The following PPIL1 variants were observed in gnomAD, a reference collection of about 807,000 sequenced individuals.
The protein encoded by PPIL1 is peptidyl-prolyl cis-trans isomerase-like 1.
Under a neutral mutation model 19.4 loss-of-function variants are expected in PPIL1, and 14 were observed. The ratio of observed to expected loss-of-function variants is 0.72; its 90% CI spans 0.48 to 1.13. The LOEUF is 1.13. Among genes scored for constraint, PPIL1 ranks in the 50% most tolerant of loss-of-function variants. The probability of loss-of-function intolerance (pLI) is 0.00; values close to 1 mark genes in which losing one functional copy is unlikely to be tolerated. For synonymous variants in PPIL1, 72 were observed against 73.6 expected, an observed-to-expected ratio of 0.98 and a Z score of 0.11; for missense variants, 192 against 218.0, an observed-to-expected ratio of 0.88 and a Z score of 0.75.
chr6:36,862,524 T>C (rs115320501), intron 2 of PPIL1, among the ~76,000 whole-genome samples: 1,961 of 152,312 alleles, frequency 0.013, 28 homozygotes, highest in African/African-American at 0.035. Flanking sequence ...AAAACAGACA[T>C]ACTCTTTTGT....
rs142431137 is a variant in PPIL1, at chr6:36,862,888, G to A, written c.212-6234C>T. ...CTCCAAGGGGCTTTGTGGTTCTGAAGATGCTGTCTTCTCTTTCTCACTTGC... is the reference window on the plus strand; with the variant it reads ...CTCCAAGGGGCTTTGTGGTTCTGAAAATGCTGTCTTCTCTTTCTCACTTGC... On this transcript the variant is annotated intron_variant, in intron 2 of 3. Transcript: ENST00000373699. Among the ~76,000 whole-genome samples the A allele has an allele frequency of 9.9e-3, 1,510 of 152,348 alleles. 17 individuals are homozygous for A. Among genetic ancestry groups the A allele is most frequent in the Non-Finnish European group, 0.016 (1,118 of 68,028 alleles).
At chr6:36,859,424 C>CATAA (rs1774233647) in intron 2 of PPIL1, among the ~76,000 whole-genome samples, 1 of 73,210 alleles carries the variant, frequency 1.4e-5, no homozygotes, top group East Asian at 3.6e-4. Flanking sequence ...GACCCTGTCT[C>CATAA]AAAAAAAAAA....
At position 36,854,856 on chromosome 6, in the gene PPIL1, G is replaced by A. The variant is rs529995753; in HGVS notation, c.*957C>T. The A allele has an allele frequency of 9.2e-5, 14 of 152,664 alleles. No individual in the cohort carries two copies. In the East Asian group the frequency reaches 2.5e-3, roughly 27 times the overall value. 9.5% of individuals were successfully genotyped at this position (152,664 alleles called of 1,614,324 possible). On this transcript the variant is annotated 3_prime_UTR_variant, in exon 4 of 4. Transcript: ENST00000373699. ...TCAACCATCAATGGCATTTTATTGT[G>A]GAAGTTTCTATGTATTACATAGGTA...
chr6:36,869,468 T>C (rs116391714), intron 2 of PPIL1, among the ~76,000 whole-genome samples: 71 of 152,006 alleles, frequency 4.7e-4, no homozygotes, highest in African/African-American at 1.6e-3. Context: ...TTTTCAAGTA[T>C]AAAAGTAACA....
intron 2 of PPIL1, among the ~76,000 whole-genome samples, chr6:36,858,893 G>C (rs956290224): frequency 3.9e-5 from 6 of 152,152 alleles, no homozygotes; most frequent in Non-Finnish European, 8.8e-5. Flanking sequence ...CAGAGACTAG[G>C]GAGAGGGCTG....
Position 36,855,739 on chromosome 6 carries a change from C to T in PPIL1, c.*74G>A, listed in dbSNP as rs1473878259. 5 of 1,484,216 alleles carry T rather than the reference C, an allele frequency of 3.4e-6. No individual in the cohort carries two copies. The highest frequency in any genetic ancestry group is 1.4e-5 in the African/African-American group (1 of 72,288). 91.9% of individuals were successfully genotyped at this position (1,484,216 alleles called of 1,614,324 possible). A position where few individuals can be genotyped will look rare whatever the true frequency, so the allele number is the denominator to read the frequency against. On this transcript the variant is annotated 3_prime_UTR_variant, in exon 4 of 4. Transcript: ENST00000373699. ...CAAAGCCAAAATGAATTTAGCATTA[C>T]ATGTCATTCTATGTCATCTAGAAGC...
At chr6:36,856,804 G>A (rs1210116321) in intron 2 of PPIL1, 150 bp from the exon 3 acceptor site, 2 of 636,712 alleles carry the variant, frequency 3.1e-6, no homozygotes, top group Admixed American at 5.1e-5. Flanking sequence ...TGCAACTACA[G>A]AATCTAGCAC....
intron 2 of PPIL1, among the ~76,000 whole-genome samples, chr6:36,860,377 A>G (rs73418149): frequency 0.01 from 1,557 of 152,002 alleles, 26 homozygotes; most frequent in African/African-American, 0.035. Context: ...TGAGAGGATC[A>G]CTCAAGCCCA....
intron 2 of PPIL1, among the ~76,000 whole-genome samples, chr6:36,861,476 G>C (rs983923290): frequency 2.0e-5 from 3 of 152,064 alleles, no homozygotes; most frequent in Non-Finnish European, 4.4e-5. Context: ...TCCCGCTGTG[G>C]GCTCTGAGAA....
At position 36,874,758 on chromosome 6, in the gene PPIL1, G is replaced by T. The variant is rs147328340; in HGVS notation, c.15C>A (p.Pro5=). ...CGTTGGGTGGCTGCCAGGAATCTGG[G>T]GGAATTGCCGCCATAGCGAAGCCGG... The part of the protein sequence containing the change: MAAI[P]PDSWQPPNVY... The change falls in exon 1 of 4, where the codon CCC becomes CCA. Residue 5 remains proline (P), a synonymous_variant. Coordinates refer to ENST00000373699, the MANE Select transcript of PPIL1 (RefSeq NM_016059.5). 571 of 1,614,136 alleles carry T rather than the reference G, an allele frequency of 3.5e-4. 2 individuals are homozygous for T. The highest frequency in any genetic ancestry group is 9.9e-4 in the Middle Eastern group (6 of 6,060).
chr6:36,855,919 A>T lies in PPIL1; in HGVS notation c.395T>A (p.Val132Glu), dbSNP rs922462564. ...ATTCACCATTCCTATGCCCTGACAC[A>T]CTCGGCCAAAAATGGTGTGTTTGCC... ...LDGKHTIFGR[V>E]CQGIGMVNRV... Residue 132 changes from valine (V) to glutamate (E), a missense_variant, in exon 4 of 4, where the codon GTG becomes GAG. By Grantham distance (121) the Val-to-Glu change is moderately radical. Coordinates refer to ENST00000373699, the MANE Select transcript of PPIL1 (RefSeq NM_016059.5). The T allele has an allele frequency of 1.2e-6, 2 of 1,614,046 alleles. No homozygotes were observed. The highest frequency in any genetic ancestry group is 2.7e-5 in the African/African-American group (2 of 74,998).
At chr6:36,863,674 C>T (rs1774336128) in intron 2 of PPIL1, among the ~76,000 whole-genome samples, 1 of 152,126 alleles carries the variant, frequency 6.6e-6, no homozygotes, top group African/African-American at 2.4e-5. Flanking sequence ...TCTACTTCTC[C>T]CCATTCTTGC....
intron 2 of PPIL1, among the ~76,000 whole-genome samples, chr6:36,862,901 C>T (rs970207698): frequency 6.6e-6 from 1 of 152,220 alleles, no homozygotes; most frequent in African/African-American, 2.4e-5. Context: ...GCTGTCTTCT[C>T]TTTCTCACTT....
rs1415475168 is a variant in PPIL1 at position 36,871,749 on chromosome 6, G to A, written c.180C>T (p.Phe60=). The part of the protein sequence containing the change: ...GTKFHRIIKD[F]MIQGGDPTGT... ...CTGTTGGGTCACCTCCTTGGATCAT[G>A]AAGTCTTTGATAATTCTGTGGAATT... The change falls in exon 2 of 4, where the codon TTC becomes TTT. Residue 60 remains phenylalanine, a synonymous_variant. Transcript: ENST00000373699. 2.5e-6 allele frequency: 4 copies of A among 1,610,136 alleles called. No individual in the cohort carries two copies. In the East Asian group the frequency reaches 9.0e-5, roughly 36 times the overall value.
intron 2 of PPIL1, among the ~76,000 whole-genome samples, chr6:36,859,108 G>A (rs1246903403): frequency 6.6e-6 from 1 of 152,076 alleles, no homozygotes; most frequent in African/African-American, 2.4e-5. Context: ...CAAACAAGAA[G>A]TGCATTAAGG....
intron 1 of PPIL1, among the ~76,000 whole-genome samples, chr6:36,872,771 C>A (rs757800199): frequency 3.3e-5 from 5 of 152,148 alleles, no homozygotes; most frequent in Non-Finnish European, 5.9e-5. Flanking sequence ...CCAAGCTCAG[C>A]TAATTTGTTG....
rs1162397847 is a variant in PPIL1, at chr6:36,855,997, T to C, written c.317A>G (p.Asp106Gly). ...GILAMANAGP[D>G]TNGSQFFVTL... ...CACAAAGAACTGGCTGCCATTGGTA[T>C]CTGGCCCCGCATTGGCCATTGCGAG... Residue 106 changes from aspartate (D) to glycine (G), a missense_variant, in exon 4 of 4, where the codon GAT becomes GGT. Transcript: ENST00000373699. 6.2e-7 allele frequency: 1 copy of C among 1,614,084 alleles called. No individual in the cohort carries two copies. Among genetic ancestry groups the C allele is most frequent in the Non-Finnish European group, 8.5e-7 (1 of 1,180,050 alleles).
chr6:36,859,846 T>TC (rs1561845618), intron 2 of PPIL1, among the ~76,000 whole-genome samples: 7 of 149,078 alleles, frequency 4.7e-5, no homozygotes, highest in African/African-American at 1.7e-4. Flanking sequence ...TGTGTGTGTT[T>TC]TGAGACAGAA....
rs1386755851 is a variant in PPIL1 at position 36,856,579 on chromosome 6, C to T, written c.280+7G>A. On this transcript the variant is annotated splice_region_variant and intron_variant, in intron 3 of 3. Transcript: ENST00000373699. ...TCCTACCCAGTCCAGCCAAATTATA[C>T]ACTTACCCGTGAATTTCAAGTCTGG... 1 of 1,613,418 alleles carries T rather than the reference C, an allele frequency of 6.2e-7. No individual in the cohort carries two copies. Among genetic ancestry groups the T allele is most frequent in the African/African-American group, 1.3e-5 (1 of 74,926 alleles).
Sources: gnomAD v4.1 joint callset for allele counts (sites outside exome capture counted in the v4.1 genomes callset) on GRCh38, gnomAD v4.1.1 for gene constraint, MANE v1.5 for transcripts, NCBI Gene and HGNC (gene_info 2026-07-23, HGNC 2026-07-21) for gene names.